Variants in ABCA1 observed in about 807,000 individuals in gnomAD.
ABCA1 encodes ATP binding cassette subfamily A member 1.
Under a neutral mutation model 262.5 loss-of-function variants are expected in ABCA1, and 133 were observed. The observed-to-expected ratio is 0.51, with a 90% CI of 0.44 to 0.59. ABCA1 has a LOEUF of 0.59. Among genes scored for constraint, ABCA1 ranks in the 20% least tolerant of loss-of-function variants. The probability of loss-of-function intolerance (pLI) is 0.00; values close to 1 mark genes in which losing one functional copy is unlikely to be tolerated. For missense variants in ABCA1, 2,452 were observed against 2,777.5 expected (o/e 0.88, Z 2.63); for synonymous variants, 1,022 against 1,043.5 (o/e 0.98, Z 0.40).
intron 1 of ABCA1, among the ~76,000 whole-genome samples, chr9:104,913,692 C>T (rs1841637312): frequency 6.6e-6 from 1 of 152,176 alleles, no homozygotes; most frequent in Admixed American, 6.5e-5. Flanking sequence ...CTTGGGGGTC[C>T]TCACCACTCA....
intron 16 of ABCA1, 21 bp downstream of exon 16, chr9:104,826,927 A>G: frequency 6.2e-7 from 1 of 1,609,436 alleles, no homozygotes; most frequent in Non-Finnish European, 8.5e-7. Flanking sequence ...CAGCCACTGA[A>G]GAAAGGCCAG....
chr9:104,838,666 C>A (rs1260143499), intron 9 of ABCA1, among the ~76,000 whole-genome samples: 1 of 151,230 alleles, frequency 6.6e-6, no homozygotes, highest in Non-Finnish European at 1.5e-5. Flanking sequence ...AGTATATGTA[C>A]ACTTAACAAA....
At chr9:104,801,430 C>G (rs1056147088) in intron 34 of ABCA1, among the ~76,000 whole-genome samples, 1 of 151,998 alleles carries the variant, frequency 6.6e-6, no homozygotes, top group Non-Finnish European at 1.5e-5. Flanking sequence ...CTATGTTGGC[C>G]AGGCTGGTCT....
chr9:104,802,800 T>A (rs1484548600), intron 33 of ABCA1, among the ~76,000 whole-genome samples: 2 of 152,220 alleles, frequency 1.3e-5, no homozygotes, highest in Non-Finnish European at 2.9e-5. Flanking sequence ...ACAAATGGGT[T>A]GAAATACAGT....
chr9:104,820,866 C>T (rs913113322), intron 20 of ABCA1, among the ~76,000 whole-genome samples: 4 of 152,148 alleles, frequency 2.6e-5, no homozygotes, highest in African/African-American at 7.2e-5. Flanking sequence ...CTCTACAGCT[C>T]AACCATTCAC....
intron 2 of ABCA1, among the ~76,000 whole-genome samples, chr9:104,892,580 T>C (rs1056660859): frequency 7.2e-5 from 11 of 152,178 alleles, no homozygotes; most frequent in African/African-American, 2.7e-4. Flanking sequence ...ACCCTATTTA[T>C]ATATAAGCTT....
At chr9:104,882,028 T>TAAAAAAAAAAAAA (rs557626075) in intron 5 of ABCA1, among the ~76,000 whole-genome samples, 39 of 73,752 alleles carry the variant, frequency 5.3e-4, no homozygotes, top group South Asian at 1.2e-3. Flanking sequence ...TCTGTAGCCT[T>TAAAAAAAAAAAAA]AAAAAAAAAA....
At chr9:104,870,325 C>A (rs755801801) in intron 5 of ABCA1, among the ~76,000 whole-genome samples, 4 of 152,190 alleles carry the variant, frequency 2.6e-5, no homozygotes, top group African/African-American at 9.7e-5. Context: ...ACAAAAGAGG[C>A]GCTGTGTAAC....
At chr9:104,793,112 T>G (rs1829571998) in intron 41 of ABCA1, 59 bp downstream of exon 41, 2 of 1,609,634 alleles carry the variant, frequency 1.2e-6, no homozygotes, top group Non-Finnish European at 1.7e-6. Context: ...AGTGTTTCCC[T>G]GTGCGCCTCC....
chr9:104,902,501 C>T (rs540916114), intron 2 of ABCA1, among the ~76,000 whole-genome samples: 4 of 152,290 alleles, frequency 2.6e-5, no homozygotes, highest in African/African-American at 9.6e-5. Context: ...AGCTGCCTCA[C>T]CACATTTAAG....
rs1564111627 is a variant in ABCA1 at position 104,810,841 on chromosome 9, T to C, written c.4134A>G (p.Glu1378=). The change falls in exon 29 of 50, where the codon GAA becomes GAG. Residue 1378 remains glutamate, a synonymous_variant. Transcript: ENST00000374736. The part of the protein sequence containing the change: ...VPPFGKYPSL[E]LQPWMYNEQY... ...GTTCGTTGTACATCCAGGGCTGAAG[T>C]TCCAGGCTGGGGTACTTGCCAAAGG... The C allele has an allele frequency of 6.2e-7, 1 of 1,614,106 alleles. No homozygotes were observed. Among genetic ancestry groups the C allele is most frequent in the Non-Finnish European group, 8.5e-7 (1 of 1,180,054 alleles).
chr9:104,817,561 G>A lies in ABCA1; in HGVS notation c.3463-157C>T, dbSNP rs535570869. 6.6e-6 allele frequency among the ~76,000 whole-genome samples: 1 copy of A among 152,338 alleles called. No individual in the cohort carries two copies. Among genetic ancestry groups the A allele is most frequent in the East Asian group, 1.9e-4 (1 of 5,182 alleles). ...ATGCACTGGCAGCCGTGGCTTCAGA[G>A]GACCCTGTCTGGCATGTGTGTGCCG... is the stretch of plus-strand genomic sequence containing the variant. On this transcript the variant is annotated intron_variant, in intron 23 of 49. Transcript: ENST00000374736. The surrounding 1 kb of genome is among the most constrained non-coding windows in gnomAD (Gnocchi z 4.7).
intron 5 of ABCA1, among the ~76,000 whole-genome samples, chr9:104,877,767 A>C (rs759335068): frequency 7.2e-5 from 11 of 152,240 alleles, no homozygotes; most frequent in Non-Finnish European, 1.3e-4. Flanking sequence ...CACATGCCCA[A>C]AGTTCACACT....
At chr9:104,790,782 G>A (rs1829358041) in intron 44 of ABCA1, 140 bp downstream of exon 44, 3 of 629,268 alleles carry the variant, frequency 4.8e-6, no homozygotes, top group East Asian at 2.8e-5. Context: ...ATGATTTTAT[G>A]TGCTTCTTTA....
chr9:104,885,939 G>A (rs1326811364), intron 3 of ABCA1, among the ~76,000 whole-genome samples: 1 of 152,182 alleles, frequency 6.6e-6, no homozygotes, highest in Non-Finnish European at 1.5e-5. Context: ...TCCAGTCCCT[G>A]CAGCTTGCTA....
At chr9:104,866,088 G>C (rs1334789755) in intron 5 of ABCA1, among the ~76,000 whole-genome samples, 1 of 152,190 alleles carries the variant, frequency 6.6e-6, no homozygotes, top group African/African-American at 2.4e-5. Flanking sequence ...AGTGGCTGGA[G>C]AGGAAGGGGT....
At chr9:104,831,223 T>C in intron 13 of ABCA1, 122 bp from the exon 14 acceptor site, 3 of 841,986 alleles carry the variant, frequency 3.6e-6, no homozygotes, top group Non-Finnish European at 3.4e-6. Context: ...TTTTGTATCT[T>C]TTTTTTTTTT....
At chr9:104,913,945 G>T (rs574595140) in intron 1 of ABCA1, among the ~76,000 whole-genome samples, 1 of 141,504 alleles carries the variant, frequency 7.1e-6, no homozygotes, top group African/African-American at 2.5e-5. Flanking sequence ...ACCGACAGCC[G>T]CCTGCCAACA....
At chr9:104,875,136 C>G (rs535460739) in intron 5 of ABCA1, among the ~76,000 whole-genome samples, 1 of 151,458 alleles carries the variant, frequency 6.6e-6, no homozygotes, top group Admixed American at 6.6e-5. Flanking sequence ...CCATTTTGTT[C>G]TGTACTAAGA....
Sources: allele counts gnomAD v4.1 joint callset (sites outside exome capture counted in the v4.1 genomes callset), GRCh38; gene constraint gnomAD v4.1.1; non-coding constraint Gnocchi (gnomAD v3.1); transcripts MANE v1.5; gene names NCBI Gene and HGNC (gene_info 2026-07-23, HGNC 2026-07-21).